Variants in CNTNAP2 observed in about 807,000 individuals in gnomAD.
CNTNAP2 encodes the protein contactin-associated protein-like 2.
Under a neutral mutation model 155.2 loss-of-function variants are expected in CNTNAP2, and 98 were observed. The observed-to-expected ratio is 0.63, with a 90% CI of 0.54 to 0.75. CNTNAP2 has a LOEUF of 0.75. CNTNAP2 is among the 30% of genes least tolerant of loss of function. CNTNAP2 has a pLI of 0.00. For missense variants in CNTNAP2, 1,727 were observed against 1,688.1 expected, an observed-to-expected ratio of 1.02 and a Z score of -0.40; for synonymous variants, 651 against 631.2, an observed-to-expected ratio of 1.03 and a Z score of -0.47.
At chr7:147,273,316 T>C (rs1408753052) in intron 8 of CNTNAP2, among the ~76,000 whole-genome samples, 3 of 152,320 alleles carry the variant, frequency 2.0e-5, no homozygotes, top group East Asian at 3.9e-4. Context: ...GCTTTGGTTT[T>C]GAAGCTTCAG....
intron 1 of CNTNAP2, among the ~76,000 whole-genome samples, chr7:146,268,872 GT>G (rs1169565916): frequency 2.6e-5 from 4 of 152,182 alleles, no homozygotes; most frequent in Non-Finnish European, 4.4e-5. Context: ...ACATACACCT[GT>G]GTTTTGAGGG....
At chr7:147,703,413 C>A (rs562128868) in intron 13 of CNTNAP2, among the ~76,000 whole-genome samples, 2 of 152,082 alleles carry the variant, frequency 1.3e-5, no homozygotes, top group South Asian at 2.1e-4. Context: ...ACTATAGGGC[C>A]CTGGGCATTT....
At chr7:147,341,288 G>A (rs1375513054) in intron 9 of CNTNAP2, among the ~76,000 whole-genome samples, 3 of 151,948 alleles carry the variant, frequency 2.0e-5, no homozygotes, top group Non-Finnish European at 4.4e-5. Flanking sequence ...GGGCCTGTCG[G>A]TCGGTGGAGG....
intron 21 of CNTNAP2, among the ~76,000 whole-genome samples, chr7:148,306,218 G>T (rs1797489159): frequency 6.6e-6 from 1 of 152,132 alleles, no homozygotes; most frequent in Non-Finnish European, 1.5e-5. Flanking sequence ...TTTGAACTCG[G>T]TGTTTTTCTC....
Position 147,891,074 on chromosome 7 carries a change from AT to A in CNTNAP2, c.2099-12483del, listed in dbSNP as rs201972695. ...AATTTTTATAGATCAATTAAAAACT[AT>A]TTTTTTTAAAAAGAATAGACTAAAG... On this transcript the variant is annotated intron_variant, in intron 13 of 23. Transcript: ENST00000361727. 1.9e-3 allele frequency among the ~76,000 whole-genome samples: 291 copies of A among 152,244 alleles called. 2 individuals are homozygous for A. Among genetic ancestry groups the A allele is most frequent in the African/African-American group, 6.0e-3 (248 of 41,536 alleles).
At chr7:146,867,710 A>C (rs1451407844) in intron 3 of CNTNAP2, among the ~76,000 whole-genome samples, 1 of 151,636 alleles carries the variant, frequency 6.6e-6, no homozygotes, top group African/African-American at 2.4e-5. Flanking sequence ...CATTGTAGCC[A>C]TTCTGACTGG....
intron 13 of CNTNAP2, among the ~76,000 whole-genome samples, chr7:147,842,480 G>A (rs890205816): frequency 6.6e-6 from 1 of 150,462 alleles, no homozygotes; most frequent in Non-Finnish European, 1.5e-5. Flanking sequence ...GCAGCTCTGA[G>A]AACAAGGGGG....
intron 3 of CNTNAP2, among the ~76,000 whole-genome samples, chr7:146,877,196 C>T (rs1037757814): frequency 7.2e-5 from 11 of 151,926 alleles, no homozygotes; most frequent in Non-Finnish European, 1.0e-4. Context: ...ATAATTTTTT[C>T]GACCATTAAA....
At chr7:146,362,701 G>C (rs1424566541) in intron 1 of CNTNAP2, among the ~76,000 whole-genome samples, 1 of 151,712 alleles carries the variant, frequency 6.6e-6, no homozygotes, top group South Asian at 2.1e-4. Flanking sequence ...AAGGGTTTTA[G>C]GTAGGGGAGT....
chr7:147,447,023 A>G (rs1326509292), intron 10 of CNTNAP2, among the ~76,000 whole-genome samples: 1 of 152,216 alleles, frequency 6.6e-6, no homozygotes, highest in Admixed American at 6.5e-5. Flanking sequence ...TTAGAATGCC[A>G]AGAAAAGGCA....
chr7:147,504,581 C>T (rs1798873734), intron 11 of CNTNAP2, among the ~76,000 whole-genome samples: 3 of 150,714 alleles, frequency 2.0e-5, no homozygotes, highest in Admixed American at 6.6e-5. Flanking sequence ...CCCAAATACT[C>T]GGGAGGCTAA....
intron 1 of CNTNAP2, among the ~76,000 whole-genome samples, chr7:146,773,745 T>C (rs1445371567): frequency 3.3e-5 from 5 of 152,234 alleles, no homozygotes; most frequent in Non-Finnish European, 5.9e-5. Context: ...CCTTGATAAG[T>C]GTGCAATATC....
chr7:146,141,696 T>C (rs952795847), intron 1 of CNTNAP2, among the ~76,000 whole-genome samples: 6 of 152,156 alleles, frequency 3.9e-5, no homozygotes, highest in South Asian at 2.1e-4. Flanking sequence ...TTGAGTTCTA[T>C]TGATGAAGTT....
chr7:147,745,371 A>C (rs1261147685), intron 13 of CNTNAP2, among the ~76,000 whole-genome samples: 1 of 152,240 alleles, frequency 6.6e-6, no homozygotes, highest in African/African-American at 2.4e-5. Flanking sequence ...ATAATATCAA[A>C]GAATATTGAT....
chr7:147,931,949 G>A (rs571175103), intron 14 of CNTNAP2, among the ~76,000 whole-genome samples: 5 of 151,938 alleles, frequency 3.3e-5, no homozygotes, highest in South Asian at 2.1e-4. Flanking sequence ...GCAGTGGTGC[G>A]ATCTCAGCTC....
At chr7:147,054,468 T>C (rs1177892526) in intron 4 of CNTNAP2, among the ~76,000 whole-genome samples, 1 of 152,162 alleles carries the variant, frequency 6.6e-6, no homozygotes, top group African/African-American at 2.4e-5. Flanking sequence ...AATTTTTATT[T>C]ATGATAGATG....
chr7:147,225,147 G>A (rs1004491024), intron 8 of CNTNAP2, among the ~76,000 whole-genome samples: 2 of 152,134 alleles, frequency 1.3e-5, no homozygotes, highest in Non-Finnish European at 2.9e-5. Context: ...CTTTCAAATA[G>A]AAGTGACAAT....
At chr7:147,729,449 G>A (rs1318380126) in intron 13 of CNTNAP2, among the ~76,000 whole-genome samples, 1 of 133,700 alleles carries the variant, frequency 7.5e-6, no homozygotes, top group Non-Finnish European at 1.7e-5. Flanking sequence ...CACACACACA[G>A]AGTTGTGAAA....
chr7:146,400,473 A>C (rs1177202021), intron 1 of CNTNAP2, among the ~76,000 whole-genome samples: 1 of 152,194 alleles, frequency 6.6e-6, no homozygotes, highest in Non-Finnish European at 1.5e-5. Context: ...TATCTCTTAT[A>C]AGCAAAATAA....
Sources: allele counts gnomAD v4.1 joint callset (sites outside exome capture counted in the v4.1 genomes callset), GRCh38; gene constraint gnomAD v4.1.1; transcripts MANE v1.5; gene names NCBI Gene and HGNC (gene_info 2026-07-23, HGNC 2026-07-21).